TESK2: variants seen among roughly 807,000 people sequenced by gnomAD.
TESK2 encodes testis associated actin remodelling kinase 2, also known as dual specificity testis-specific protein kinase 2.
Under a neutral mutation model 57.1 loss-of-function variants are expected in TESK2, and 39 were observed. That is an observed-to-expected ratio of 0.68 (90% CI 0.53 to 0.89). The LOEUF (loss-of-function observed/expected upper bound fraction) is 0.89. Among genes scored for constraint, TESK2 ranks in the 40% least tolerant of loss-of-function variants. The pLI is 0.00. For missense variants in TESK2, 646 were observed against 732.1 expected, an observed-to-expected ratio of 0.88 and a Z score of 1.36; for synonymous variants, 249 against 267.9, an observed-to-expected ratio of 0.93 and a Z score of 0.69.
intron 5 of TESK2, among the ~76,000 whole-genome samples, chr1:45,349,954 C>T (rs1647207975): frequency 1.3e-5 from 2 of 152,136 alleles, no homozygotes. Context: ...CCAGCTTGGC[C>T]AACATGGTGA....
chr1:45,447,763 C>A (rs1034054799), intron 2 of TESK2, among the ~76,000 whole-genome samples: 1 of 152,058 alleles, frequency 6.6e-6, no homozygotes, highest in African/African-American at 2.4e-5. Context: ...GCAATACCAC[C>A]GTCACGGGTA....
At chr1:45,367,957 C>A (rs1349356141) in intron 4 of TESK2, among the ~76,000 whole-genome samples, 1 of 150,102 alleles carries the variant, frequency 6.7e-6, no homozygotes, top group East Asian at 2.0e-4. Context: ...CCATGCCTGG[C>A]AAAGCACTTT....
chr1:45,413,491 C>T (rs1308518129), intron 3 of TESK2, among the ~76,000 whole-genome samples: 1 of 152,230 alleles, frequency 6.6e-6, no homozygotes, highest in African/African-American at 2.4e-5. Context: ...AAATGCCTAC[C>T]ACCTGGCAGA....
At chr1:45,348,569 C>G (rs1647184172) in intron 5 of TESK2, among the ~76,000 whole-genome samples, 1 of 152,210 alleles carries the variant, frequency 6.6e-6, no homozygotes, top group Admixed American at 6.5e-5. Flanking sequence ...TCCTGGTGCC[C>G]CTATGCACAT....
chr1:45,428,816 A>ATTTTTTTTTTTTT (rs71052876), intron 2 of TESK2, among the ~76,000 whole-genome samples: 1 of 82,592 alleles, frequency 1.2e-5, no homozygotes, highest in African/African-American at 5.1e-5. Flanking sequence ...TAAATTCCTG[A>ATTTTTTTTTTTTT]TTTTTTTTTT....
At chr1:45,466,157 C>T (rs551080850) in intron 1 of TESK2, among the ~76,000 whole-genome samples, 54 of 152,172 alleles carry the variant, frequency 3.5e-4, no homozygotes, top group Non-Finnish European at 6.5e-4. Context: ...GTCTGAGCAA[C>T]ATGGTTAAAC....
chr1:45,484,428 C>T (rs993844261), intron 1 of TESK2, among the ~76,000 whole-genome samples: 15 of 151,866 alleles, frequency 9.9e-5, no homozygotes, highest in African/African-American at 3.6e-4. Context: ...TATTTGTAAG[C>T]ATTCGCCTAA....
chr1:45,395,700 G>A (rs1029745362), intron 3 of TESK2, among the ~76,000 whole-genome samples: 1 of 150,202 alleles, frequency 6.7e-6, no homozygotes, highest in Non-Finnish European at 1.5e-5. Context: ...TTGAACTCCT[G>A]GGCTCAAACA....
intron 2 of TESK2, among the ~76,000 whole-genome samples, chr1:45,453,016 C>T (rs1324198803): frequency 2.0e-5 from 3 of 151,502 alleles, no homozygotes; most frequent in Non-Finnish European, 2.9e-5. Context: ...ACTGCACTGC[C>T]GCCTGGATGA....
At chr1:45,422,759 T>TTGTTGTTGTTGTTGTTGTTGTTGTTG (rs1570714206) in intron 2 of TESK2, among the ~76,000 whole-genome samples, 81 of 147,008 alleles carry the variant, frequency 5.5e-4, no homozygotes, top group East Asian at 3.4e-3. Context: ...TGTCTGGTTT[T>TTGTTGTTGTTGTTGTTGTTGTTGTTG]TTGTTGTTGT....
chr1:45,472,064 A>T (rs1057105389), intron 1 of TESK2, among the ~76,000 whole-genome samples: 41 of 151,206 alleles, frequency 2.7e-4, no homozygotes, highest in African/African-American at 9.5e-4. Flanking sequence ...ATCCTGGCTA[A>T]CACGGTGAAA....
At chr1:45,381,769 C>A (rs1648661938) in intron 4 of TESK2, among the ~76,000 whole-genome samples, 1 of 148,094 alleles carries the variant, frequency 6.8e-6, no homozygotes, top group African/African-American at 2.5e-5. Flanking sequence ...AAAAAAAAAA[C>A]AAAGATTTAC....
chr1:45,426,125 T>C (rs578094215), intron 2 of TESK2, among the ~76,000 whole-genome samples: 1 of 152,074 alleles, frequency 6.6e-6, no homozygotes, highest in African/African-American at 2.4e-5. Flanking sequence ...CACTCCAGCC[T>C]AGGTGACAGA....
intron 1 of TESK2, among the ~76,000 whole-genome samples, chr1:45,486,245 T>C (rs967698607): frequency 6.6e-6 from 1 of 152,196 alleles, no homozygotes; most frequent in Non-Finnish European, 1.5e-5. Context: ...CTTCATCTAC[T>C]AGAAGGAGAT....
rs1650246854 is a variant in TESK2, at chr1:45,416,454, C to T, written c.344+5271G>A. Among the ~76,000 whole-genome samples, 3 of 151,856 alleles carry T rather than the reference C, an allele frequency of 2.0e-5. No individual in the cohort carries two copies. In the South Asian group the frequency reaches 6.2e-4, roughly 32 times the overall value. Reference sequence around the variant, plus strand: ...CCAACCTAAAGCCTTCATTTTTAATCATACTATAGTACTACTTTTTAAAAT... The same window carrying T: ...CCAACCTAAAGCCTTCATTTTTAATTATACTATAGTACTACTTTTTAAAAT... On this transcript the variant is annotated intron_variant, in intron 3 of 10. Transcript: ENST00000372086.
intron 4 of TESK2, among the ~76,000 whole-genome samples, chr1:45,370,435 G>A (rs1648126489): frequency 6.6e-6 from 1 of 152,186 alleles, no homozygotes; most frequent in African/African-American, 2.4e-5. Context: ...GTCAGGCACT[G>A]TGCTAGGAAC....
intron 4 of TESK2, among the ~76,000 whole-genome samples, chr1:45,363,448 G>A (rs1273276339): frequency 1.3e-5 from 2 of 152,108 alleles, no homozygotes; most frequent in African/African-American, 4.8e-5. Context: ...GCTATTACTT[G>A]TAGGATAAAA....
intron 2 of TESK2, among the ~76,000 whole-genome samples, chr1:45,444,662 A>G (rs914821658): frequency 6.6e-6 from 1 of 152,324 alleles, no homozygotes; most frequent in East Asian, 1.9e-4. Flanking sequence ...CATATCCACA[A>G]CCTAGAATAA....
chr1:45,366,850 C>T (rs577603430), intron 4 of TESK2, among the ~76,000 whole-genome samples: 8 of 152,106 alleles, frequency 5.3e-5, no homozygotes, highest in African/African-American at 1.9e-4. Flanking sequence ...TTTAATAATG[C>T]TGGCTGGGCG....
Sources: gnomAD v4.1 joint callset for allele counts (sites outside exome capture counted in the v4.1 genomes callset) on GRCh38, gnomAD v4.1.1 for gene constraint, MANE v1.5 for transcripts, NCBI Gene and HGNC (gene_info 2026-07-23, HGNC 2026-07-21) for gene names.